BNC2: variants seen among roughly 807,000 people sequenced by gnomAD.
BNC2 encodes basonuclin zinc finger protein 2.
BNC2 carries 20 observed loss-of-function variants against 76.3 expected under a neutral mutation model. The observed-to-expected ratio is 0.26, with a 90% CI of 0.18 to 0.38. The LOEUF (loss-of-function observed/expected upper bound fraction) is 0.38. Ranked by LOEUF, BNC2 falls within the 10% of genes least tolerant of loss-of-function variation. BNC2 has a pLI of 1.00. For missense variants in BNC2, 1,382 were observed against 1,399.8 expected, an observed-to-expected ratio of 0.99 and a Z score of 0.20; for synonymous variants, 582 against 514.8, an observed-to-expected ratio of 1.13 and a Z score of -1.77.
At chr9:16,777,518 G>T (rs1284471793) in intron 1 of BNC2, among the ~76,000 whole-genome samples, 1 of 152,058 alleles carries the variant, frequency 6.6e-6, no homozygotes, top group Admixed American at 6.6e-5. Context: ...GGCTTACACA[G>T]TGAAACCCCG....
Position 16,473,781 on chromosome 9 carries a change from G to A in BNC2, c.670-36257C>T, listed in dbSNP as rs375023837. On this transcript the variant is annotated intron_variant, in intron 5 of 6. Coordinates refer to ENST00000380672, the MANE Select transcript of BNC2 (RefSeq NM_017637.6). ...CCAGCTACTTGGGAGGCTGAGGCAG[G>A]AGAATCACTCGAACCCAGGAGGCGG... is the stretch of plus-strand genomic sequence containing the variant. 1.4e-3 allele frequency among the ~76,000 whole-genome samples: 216 copies of A among 152,298 alleles called. 1 individual carries two copies. The highest frequency in any genetic ancestry group is 5.0e-3 in the African/African-American group (207 of 41,538).
At chr9:16,815,965 T>C (rs1433667749) in intron 1 of BNC2, among the ~76,000 whole-genome samples, 1 of 152,182 alleles carries the variant, frequency 6.6e-6, no homozygotes, top group African/African-American at 2.4e-5. Flanking sequence ...GGTCTTTTGC[T>C]TGAAGTTCTT....
intron 3 of BNC2, among the ~76,000 whole-genome samples, chr9:16,639,602 A>G (rs1212425404): frequency 6.6e-6 from 1 of 151,772 alleles, no homozygotes; most frequent in Non-Finnish European, 1.5e-5. Flanking sequence ...TTACAACAAC[A>G]CATGTGAAAA....
chr9:16,660,884 G>C (rs533918756), intron 3 of BNC2, among the ~76,000 whole-genome samples: 4 of 152,026 alleles, frequency 2.6e-5, no homozygotes, highest in African/African-American at 9.7e-5. Context: ...TCAAGTGTAC[G>C]GGAGGATGGA....
At chr9:16,518,579 T>TATATA (rs1361749098) in intron 5 of BNC2, among the ~76,000 whole-genome samples, 177 of 86,416 alleles carry the variant, frequency 2.0e-3, no homozygotes, top group African/African-American at 6.1e-3. Context: ...TATATATATA[T>TATATA]TTTTTGTTGT....
chr9:16,840,474 G>A (rs10217231), intron 1 of BNC2, among the ~76,000 whole-genome samples: 27,364 of 152,014 alleles, frequency 0.18, 2,939 homozygotes, highest in East Asian at 0.36. Context: ...CTTGACCTTT[G>A]CTTCTGCTCA....
chr9:16,849,946 C>T lies in BNC2; in HGVS notation c.3+20700G>A, dbSNP rs986190152. Among the ~76,000 whole-genome samples, 37 of 152,050 alleles carry T rather than the reference C, an allele frequency of 2.4e-4. 1 individual carries two copies. Among genetic ancestry groups the T allele is most frequent in the Non-Finnish European group, 4.4e-5 (3 of 68,010 alleles). On this transcript the variant is annotated intron_variant, in intron 1 of 6. Transcript: ENST00000380672. ...GCTGTCCCACAAACAGTGTTATGTG[C>T]ACAAATTTGTACTTCACTAGCTTTC...
intron 6 of BNC2, among the ~76,000 whole-genome samples, chr9:16,427,761 A>G (rs540199136): frequency 6.6e-6 from 1 of 152,284 alleles, no homozygotes; most frequent in African/African-American, 2.4e-5. Context: ...TGATGAATGG[A>G]AGGTAATCTA....
chr9:16,746,341 T>C (rs1980935), intron 1 of BNC2, among the ~76,000 whole-genome samples: 130,778 of 151,970 alleles, frequency 0.86, 56,665 homozygotes, highest in Non-Finnish European at 0.91. Flanking sequence ...ACCCTATGAA[T>C]CTTATTAAAC....
rs142465350 is a variant in BNC2 at position 16,785,174 on chromosome 9, T to C, written c.4-46689A>G. ...CCAACTACCCACTAGGCGAGGTTAA[T>C]ATGTGTCCACATTTATGCTCTCATT... is the stretch of plus-strand genomic sequence containing the variant. On this transcript the variant is annotated intron_variant, in intron 1 of 6. Transcript: ENST00000380672. Among the ~76,000 whole-genome samples, 1,035 of 152,308 alleles carry C rather than the reference T, an allele frequency of 6.8e-3. 9 individuals are homozygous for C. The highest frequency in any genetic ancestry group is 0.023 in the African/African-American group (973 of 41,570).
At chr9:16,601,865 G>A (rs1048581166) in intron 3 of BNC2, among the ~76,000 whole-genome samples, 2 of 152,108 alleles carry the variant, frequency 1.3e-5, no homozygotes. Context: ...CTATAACCAG[G>A]AGTCTGGTAA....
At chr9:16,512,755 T>C (rs538655174) in intron 5 of BNC2, among the ~76,000 whole-genome samples, 6 of 152,326 alleles carry the variant, frequency 3.9e-5, no homozygotes, top group South Asian at 2.1e-4. Flanking sequence ...AAAACAATCA[T>C]CTCAACCATC....
At chr9:16,686,679 T>C (rs1385258281) in intron 3 of BNC2, among the ~76,000 whole-genome samples, 3 of 152,200 alleles carry the variant, frequency 2.0e-5, no homozygotes, top group African/African-American at 7.2e-5. Context: ...TTTTCAGCCA[T>C]GCATGCTAGC....
rs146880054 is a variant in BNC2 at position 16,472,962 on chromosome 9, C to A, written c.670-35438G>T. ...ACATGGGTCATCCACAGAGAGGCAG[C>A]AGCTGTATGTGGATACTATGGCAGA... On this transcript the variant is annotated intron_variant, in intron 5 of 6. Transcript: ENST00000380672. Among the ~76,000 whole-genome samples the A allele has an allele frequency of 6.6e-3, 1,009 of 152,248 alleles. 3 individuals carry two copies. Among genetic ancestry groups the A allele is most frequent in the Non-Finnish European group, 1.0e-2 (678 of 68,012 alleles).
intron 5 of BNC2, among the ~76,000 whole-genome samples, chr9:16,479,328 A>C (rs1467939509): frequency 6.6e-6 from 1 of 152,104 alleles, no homozygotes; most frequent in Non-Finnish European, 1.5e-5. Context: ...CCCAACTTTG[A>C]CTAAAATGGG....
At chr9:16,736,443 A>AC (rs1824670791) in intron 2 of BNC2, among the ~76,000 whole-genome samples, 1 of 20,662 alleles carries the variant, frequency 4.8e-5, no homozygotes, top group Admixed American at 4.5e-4. Context: ...AACAGAGACT[A>AC]TTTATTATTA....
chr9:16,745,142 A>G (rs971887927), intron 1 of BNC2, among the ~76,000 whole-genome samples: 3 of 152,210 alleles, frequency 2.0e-5, no homozygotes, highest in Non-Finnish European at 4.4e-5. Context: ...ATTGTTGTGA[A>G]GGTTAAACAT....
At chr9:16,703,697 T>C (rs537945509) in intron 3 of BNC2, among the ~76,000 whole-genome samples, 24 of 152,292 alleles carry the variant, frequency 1.6e-4, no homozygotes, top group African/African-American at 5.8e-4. Context: ...AAAATCATTG[T>C]TTTATAAGAT....
intron 1 of BNC2, among the ~76,000 whole-genome samples, chr9:16,827,801 C>A (rs1444185709): frequency 1.3e-5 from 2 of 151,852 alleles, no homozygotes; most frequent in East Asian, 1.9e-4. Context: ...TACAGGAATA[C>A]AAAAACAAAA....
Sources: allele counts gnomAD v4.1 joint callset (sites outside exome capture counted in the v4.1 genomes callset), GRCh38; gene constraint gnomAD v4.1.1; transcripts MANE v1.5; gene names NCBI Gene and HGNC (gene_info 2026-07-23, HGNC 2026-07-21).